Variants in NCKAP5 observed in about 807,000 individuals in gnomAD.
NCKAP5 encodes NCK associated protein 5, also known as nck-associated protein 5.
A neutral mutation model predicts 167.0 loss-of-function variants in NCKAP5; 92 were observed. The observed-to-expected ratio is 0.55, with a 90% CI of 0.47 to 0.66. The LOEUF (loss-of-function observed/expected upper bound fraction) is 0.66. Ranked by LOEUF, NCKAP5 falls within the 30% of genes least tolerant of loss-of-function variation. The pLI, the probability that NCKAP5 is intolerant of heterozygous loss-of-function variation, is 0.00. For synonymous variants in NCKAP5, 891 were observed against 877.4 expected, an observed-to-expected ratio of 1.02 and a Z score of -0.27; for missense variants, 2,378 against 2,315.0, an observed-to-expected ratio of 1.03 and a Z score of -0.56.
intron 6 of NCKAP5, among the ~76,000 whole-genome samples, chr2:133,021,072 G>A (rs2078509844): frequency 6.6e-6 from 1 of 152,194 alleles, no homozygotes; most frequent in Non-Finnish European, 1.5e-5. Flanking sequence ...CTGGCGAAAT[G>A]AAAACTGTAG....
chr2:133,274,964 A>G (rs1409684963), intron 4 of NCKAP5, among the ~76,000 whole-genome samples: 3 of 151,960 alleles, frequency 2.0e-5, no homozygotes, highest in Non-Finnish European at 4.4e-5. Flanking sequence ...CTTTGTAAAA[A>G]AAAAACCATA....
intron 4 of NCKAP5, among the ~76,000 whole-genome samples, chr2:133,298,505 C>G (rs998321668): frequency 1.2e-4 from 18 of 152,142 alleles, no homozygotes; most frequent in Admixed American, 5.2e-4. Flanking sequence ...TTAATCATAT[C>G]TGAGAAGACC....
chr2:133,614,560 T>G, the NCKAP5 span, among the ~76,000 whole-genome samples: 2 of 151,740 alleles, frequency 1.3e-5, no homozygotes, highest in African/African-American at 2.4e-5. Flanking sequence ...CGATGGAAGA[T>G]GAAATGAATG....
At chr2:133,121,054 T>C (rs1303252402) in intron 6 of NCKAP5, among the ~76,000 whole-genome samples, 1 of 152,150 alleles carries the variant, frequency 6.6e-6, no homozygotes, top group East Asian at 1.9e-4. Context: ...GGCAGCGACC[T>C]TTAACTCTTT....
intron 3 of NCKAP5, among the ~76,000 whole-genome samples, chr2:133,447,131 C>T (rs16825025): frequency 0.014 from 2,189 of 152,244 alleles, 44 homozygotes; most frequent in African/African-American, 0.049. Context: ...GAACACACCA[C>T]GACTTTGAAC....
chr2:133,554,065 T>C (rs1687567528), intron 2 of NCKAP5, among the ~76,000 whole-genome samples: 1 of 152,170 alleles, frequency 6.6e-6, no homozygotes, highest in Non-Finnish European at 1.5e-5. Context: ...TTTCCTTGCT[T>C]GTGGCTGTAA....
intron 9 of NCKAP5, among the ~76,000 whole-genome samples, chr2:132,872,414 A>G (rs927644735): frequency 6.6e-6 from 1 of 152,160 alleles, no homozygotes; most frequent in African/African-American, 2.4e-5. Flanking sequence ...TGATTCCTCC[A>G]TGCACTCTCT....
At chr2:133,166,359 A>G (rs72842475) in intron 5 of NCKAP5, among the ~76,000 whole-genome samples, 7,831 of 152,348 alleles carry the variant, frequency 0.051, 272 homozygotes, top group South Asian at 0.079. Flanking sequence ...TTATTATATC[A>G]TGAATAACTT....
At chr2:133,197,804 G>A (rs776231589) in intron 5 of NCKAP5, among the ~76,000 whole-genome samples, 1 of 152,030 alleles carries the variant, frequency 6.6e-6, no homozygotes, top group African/African-American at 2.4e-5. Context: ...CAAACAATTA[G>A]CCATGTTTTG....
intron 3 of NCKAP5, among the ~76,000 whole-genome samples, chr2:133,459,020 C>T (rs187061767): frequency 1.3e-5 from 2 of 152,276 alleles, no homozygotes; most frequent in African/African-American, 4.8e-5. Flanking sequence ...CCATCTTTGG[C>T]TAGTGATGGA....
chr2:132,793,504 C>T (rs1558786349), intron 12 of NCKAP5, among the ~76,000 whole-genome samples: 1 of 152,178 alleles, frequency 6.6e-6, no homozygotes, highest in African/African-American at 2.4e-5. Flanking sequence ...TGAGGTAGGA[C>T]CTGAGATGTA....
chr2:132,696,559 G>A (rs1455906701), intron 19 of NCKAP5, among the ~76,000 whole-genome samples: 2 of 152,112 alleles, frequency 1.3e-5, no homozygotes, highest in Admixed American at 1.3e-4. Flanking sequence ...GAGAGGTTCA[G>A]CCAAGTTAAG....
chr2:133,514,893 G>A (rs928816012), intron 3 of NCKAP5, among the ~76,000 whole-genome samples: 3 of 151,970 alleles, frequency 2.0e-5, no homozygotes, highest in African/African-American at 4.8e-5. Context: ...GTGAGGAGAC[G>A]AGATAACCGA....
At position 132,822,816 on chromosome 2, in the gene NCKAP5, A is replaced by T. The variant is rs536695277; in HGVS notation, c.808-26087T>A. On this transcript the variant is annotated intron_variant, in intron 11 of 19. Transcript: ENST00000409261. ...ACTTCAAGAAATAAAAAAAATGGGA[A>T]ATGGATACAAAATTATCCAGAGAAA... Among the ~76,000 whole-genome samples, 212 of 152,302 alleles carry T rather than the reference A, an allele frequency of 1.4e-3. 1 individual carries two copies. Among genetic ancestry groups the T allele is most frequent in the African/African-American group, 4.8e-3 (201 of 41,566 alleles).
At chr2:133,362,748 TTTG>T (rs80322357) in intron 3 of NCKAP5, among the ~76,000 whole-genome samples, 37,164 of 151,156 alleles carry the variant, frequency 0.25, 5,136 homozygotes, top group African/African-American at 0.39. Context: ...CATGTATTTC[TTTG>T]TTGTTGTTGT....
chr2:132,843,644 A>G (rs924633971), intron 11 of NCKAP5, among the ~76,000 whole-genome samples: 2 of 151,840 alleles, frequency 1.3e-5, no homozygotes, highest in African/African-American at 2.4e-5. Context: ...GCAATCTCCA[A>G]TGGCTTTTGA....
intron 5 of NCKAP5, among the ~76,000 whole-genome samples, chr2:133,148,242 T>C (rs6756592): frequency 0.18 from 27,829 of 152,078 alleles, 2,786 homozygotes; most frequent in Non-Finnish European, 0.22. Context: ...ATTTCCACTG[T>C]ATCATATCAA....
intron 3 of NCKAP5, among the ~76,000 whole-genome samples, chr2:133,509,407 C>G (rs980115129): frequency 5.9e-5 from 9 of 152,146 alleles, no homozygotes; most frequent in Non-Finnish European, 1.5e-5. Flanking sequence ...ACCTGAAGAG[C>G]AGCATGCCAT....
intron 8 of NCKAP5, among the ~76,000 whole-genome samples, chr2:132,895,199 C>T (rs1484784891): frequency 7.9e-5 from 12 of 151,658 alleles, no homozygotes; most frequent in South Asian, 4.2e-4. Context: ...GGCGTGGTGG[C>T]GGGCGCCTGT....
Sources: allele counts gnomAD v4.1 joint callset (sites outside exome capture counted in the v4.1 genomes callset), GRCh38; gene constraint gnomAD v4.1.1; transcripts MANE v1.5; gene names NCBI Gene and HGNC (gene_info 2026-07-23, HGNC 2026-07-21).